Variants in MYO10 observed in about 807,000 individuals in gnomAD.
MYO10 encodes unconventional myosin-X.
A neutral mutation model predicts 257.3 loss-of-function variants in MYO10; 133 were observed. The observed-to-expected ratio is 0.52, with a 90% CI of 0.45 to 0.60. The LOEUF (loss-of-function observed/expected upper bound fraction) is 0.60. Ranked by LOEUF, MYO10 falls within the 20% of genes least tolerant of loss-of-function variation. The pLI is 0.00. For missense variants in MYO10, 2,399 were observed against 2,635.7 expected (o/e 0.91, Z 1.97); for synonymous variants, 1,104 against 1,028.6 (o/e 1.07, Z -1.40).
rs1742678937 is a variant in MYO10 at position 16,818,106 on chromosome 5, T to C, written c.182A>G (p.Asn61Ser). ...HQKVTAMHPT[N>S]EEGVDDMASL... ...CGCCATGTCATCCACGCCCTCCTCG[T>C]TCGTGGGGTGCATAGCAGTCACCTT... The change falls in exon 3 of 41, where the codon AAC (asparagine) becomes AGC (serine). Residue 61 changes from asparagine (N) to serine (S), a missense_variant. By Grantham distance (46) the Asn-to-Ser change is conservative (BLOSUM62 1). Coordinates refer to ENST00000513610, the MANE Select transcript of MYO10 (RefSeq NM_012334.3). 2 of 1,611,780 alleles carry C rather than the reference T, an allele frequency of 1.2e-6. No homozygotes were observed. Among genetic ancestry groups the C allele is most frequent in the Non-Finnish European group, 1.7e-6 (2 of 1,178,532 alleles).
chr5:16,873,111 C>T (rs761204068), intron 2 of MYO10, among the ~76,000 whole-genome samples: 5 of 152,224 alleles, frequency 3.3e-5, no homozygotes, highest in Non-Finnish European at 7.3e-5. Context: ...AGGCAAGTCC[C>T]TTCCACCTAT....
intron 1 of MYO10, among the ~76,000 whole-genome samples, chr5:16,894,120 T>C (rs1450949397): frequency 6.6e-6 from 1 of 152,210 alleles, no homozygotes; most frequent in East Asian, 1.9e-4. Context: ...AATGTGGACA[T>C]TTATCACACT....
At position 16,811,310 on chromosome 5, in the gene MYO10, T is replaced by C. The variant is rs1415644396; in HGVS notation, c.279+6699A>G. 2.0e-5 allele frequency among the ~76,000 whole-genome samples: 3 copies of C among 152,100 alleles called. No individual in the cohort carries two copies. The East Asian group carries it at 5.8e-4, about 29-fold the overall frequency. Reference sequence around the variant, plus strand: ...TTGACCGTAGCTATGAGACCAAAAATGTCTTTTAGATATTACAAAATGTCC... The same window carrying C: ...TTGACCGTAGCTATGAGACCAAAAACGTCTTTTAGATATTACAAAATGTCC... On this transcript the variant is annotated intron_variant, in intron 3 of 40. Transcript: ENST00000513610.
chr5:16,821,438 ATTTTCT>A (rs1742807603), intron 2 of MYO10, among the ~76,000 whole-genome samples: 1 of 73,236 alleles, frequency 1.4e-5, no homozygotes, highest in African/African-American at 7.0e-5. Context: ...CTTTCCTCCT[ATTTTCT>A]TTTTTTTTTT....
At chr5:16,900,641 C>A (rs1432252925) in intron 1 of MYO10, among the ~76,000 whole-genome samples, 5 of 152,060 alleles carry the variant, frequency 3.3e-5, no homozygotes, top group South Asian at 2.1e-4. Context: ...CTCCCAGGTC[C>A]AATTCCTCTC....
At chr5:16,719,989 C>CGTGTGT (rs10526050) in intron 19 of MYO10, among the ~76,000 whole-genome samples, 27,457 of 143,268 alleles carry the variant, frequency 0.19, 3,058 homozygotes, top group Admixed American at 0.26. Flanking sequence ...TGTGTGCGTG[C>CGTGTGT]GTGTGTGTGT....
chr5:16,750,690 T>C (rs181316110), intron 19 of MYO10, among the ~76,000 whole-genome samples: 1 of 152,186 alleles, frequency 6.6e-6, no homozygotes, highest in East Asian at 1.9e-4. Context: ...TAAGATCATA[T>C]AACACACACA....
chr5:16,675,177 C>G, intron 34 of MYO10, 27 bp from the exon 35 acceptor site: 1 of 1,609,930 alleles, frequency 6.2e-7, no homozygotes, highest in Non-Finnish European at 8.5e-7. Flanking sequence ...AAACACGGAA[C>G]TCATCTGAGG....
intron 35 of MYO10, 23 bp downstream of exon 35, chr5:16,674,830 T>G (rs1041872732): frequency 1.3e-5 from 21 of 1,612,938 alleles, no homozygotes; most frequent in Non-Finnish European, 1.7e-5. Flanking sequence ...GCCCAGCTCA[T>G]CTCCCGTGCC....
At chr5:16,924,386 A>G (rs1181349991) in intron 1 of MYO10, among the ~76,000 whole-genome samples, 1 of 152,190 alleles carries the variant, frequency 6.6e-6, no homozygotes, top group Non-Finnish European at 1.5e-5. Context: ...AAGGAGTTAC[A>G]AAATCCCCGG....
chr5:16,758,732 T>TCCA (rs1740607101), intron 17 of MYO10, among the ~76,000 whole-genome samples: 1 of 152,154 alleles, frequency 6.6e-6, no homozygotes, highest in Non-Finnish European at 1.5e-5. Flanking sequence ...AAGCCTCAGT[T>TCCA]TTTTCATCTG....
chr5:16,677,576 C>T (rs1579804516), intron 33 of MYO10, among the ~76,000 whole-genome samples: 1 of 149,546 alleles, frequency 6.7e-6, no homozygotes, highest in East Asian at 1.9e-4. Flanking sequence ...CCACCACACC[C>T]AGCTAATTTT....
intron 1 of MYO10, chr5:16,915,962 GAAAA>G (rs10541432): frequency 5.8e-4 from 234 of 405,708 alleles, no homozygotes; most frequent in Admixed American, 1.1e-3. Context: ...ACGTCAAAAA[GAAAA>G]AAAAAAAAAA....
chr5:16,905,473 G>A (rs1342611179), intron 1 of MYO10, among the ~76,000 whole-genome samples: 1 of 152,088 alleles, frequency 6.6e-6, no homozygotes, highest in African/African-American at 2.4e-5. Context: ...CCTAAGGCTA[G>A]TAGGTCTCCC....
intron 2 of MYO10, among the ~76,000 whole-genome samples, chr5:16,860,531 C>T (rs1018491679): frequency 2.6e-5 from 4 of 152,084 alleles, no homozygotes; most frequent in African/African-American, 7.2e-5. Flanking sequence ...AACAAAGGCC[C>T]CAGTGGTTAT....
chr5:16,861,740 A>C (rs1002358559), intron 2 of MYO10, among the ~76,000 whole-genome samples: 8 of 152,156 alleles, frequency 5.3e-5, no homozygotes, highest in Non-Finnish European at 8.8e-5. Context: ...TGAACACAGC[A>C]AAGACACCAA....
intron 2 of MYO10, among the ~76,000 whole-genome samples, chr5:16,833,628 G>C (rs952428194): frequency 6.6e-6 from 1 of 152,124 alleles, no homozygotes; most frequent in African/African-American, 2.4e-5. Context: ...GGATTGACTA[G>C]AATCTTTCCT....
chr5:16,843,301 T>C (rs1434512658), intron 2 of MYO10, among the ~76,000 whole-genome samples: 7 of 152,246 alleles, frequency 4.6e-5, no homozygotes, highest in Non-Finnish European at 7.3e-5. Context: ...TGCATGTGTA[T>C]GCAAATGTCT....
At chr5:16,859,652 C>T (rs999313194) in intron 2 of MYO10, among the ~76,000 whole-genome samples, 2 of 152,170 alleles carry the variant, frequency 1.3e-5, no homozygotes, top group Admixed American at 6.5e-5. Context: ...GAGGCTGAGA[C>T]AGGAGGATCA....
Sources: allele counts gnomAD v4.1 joint callset (sites outside exome capture counted in the v4.1 genomes callset), GRCh38; gene constraint gnomAD v4.1.1; transcripts MANE v1.5; gene names NCBI Gene and HGNC (gene_info 2026-07-23, HGNC 2026-07-21).